Variants in CHSY3 observed in about 807,000 individuals in gnomAD.
The protein encoded by CHSY3 is N-acetylgalactosaminyl-proteoglycan 3-beta-glucuronosyltransferase 3.
In CHSY3, 35 loss-of-function variants were observed where a neutral mutation model predicts 67.2. The observed-to-expected ratio is 0.52, with a 90% CI of 0.40 to 0.69. The LOEUF is 0.69. Among genes scored for constraint, CHSY3 ranks in the 30% least tolerant of loss-of-function variants. CHSY3 has a pLI of 0.00. For synonymous variants in CHSY3, 474 were observed against 434.7 expected, an observed-to-expected ratio of 1.09 and a Z score of -1.12; for missense variants, 1,069 against 1,138.5, an observed-to-expected ratio of 0.94 and a Z score of 0.88.
chr5:130,113,571 G>T (rs1322093549), intron 2 of CHSY3, among the ~76,000 whole-genome samples: 12 of 152,100 alleles, frequency 7.9e-5, no homozygotes, highest in Admixed American at 7.9e-4. Context: ...GTTTTATTCT[G>T]GGACTTGGCA....
chr5:130,142,003 A>T (rs1291468232), intron 2 of CHSY3: 5 of 172,980 alleles, frequency 2.9e-5, no homozygotes, highest in Admixed American at 2.5e-4. Context: ...ACATTGAAGG[A>T]CTCAAATTTG....
rs200582283 is a variant in CHSY3, at chr5:129,908,394, A to G, written c.1086+34A>G. ...GGAGCTGTGATGAAAATGTTCACAT[A>G]GTACATATACATGCCATTTTATAAT... On this transcript the variant is annotated intron_variant, in intron 2 of 2. Transcript: ENST00000305031. The G allele has an allele frequency of 1.7e-4, 268 of 1,608,678 alleles. 1 individual carries two copies. In the African/African-American group the frequency reaches 2.7e-3, roughly 16 times the overall value.
chr5:130,116,905 G>T (rs1767826558), intron 2 of CHSY3, among the ~76,000 whole-genome samples: 1 of 151,724 alleles, frequency 6.6e-6, no homozygotes, highest in Non-Finnish European at 1.5e-5. Flanking sequence ...AATAGAAAGA[G>T]AACTTTTGAT....
intron 2 of CHSY3, among the ~76,000 whole-genome samples, chr5:130,158,367 C>T (rs1365484465): frequency 1.3e-5 from 2 of 152,164 alleles, no homozygotes; most frequent in Non-Finnish European, 2.9e-5. Context: ...CATTGCACTG[C>T]TCTGAATGAA....
At chr5:130,075,225 A>G (rs1335599004) in intron 2 of CHSY3, among the ~76,000 whole-genome samples, 2 of 152,172 alleles carry the variant, frequency 1.3e-5, no homozygotes, top group Non-Finnish European at 2.9e-5. Flanking sequence ...GGAAAAAGTC[A>G]AACACCTTTT....
intron 2 of CHSY3, among the ~76,000 whole-genome samples, chr5:130,079,753 T>C (rs1766386070): frequency 6.6e-6 from 1 of 152,052 alleles, no homozygotes; most frequent in Non-Finnish European, 1.5e-5. Context: ...AGAAACCAGA[T>C]ACTTGTAAGA....
At chr5:130,132,653 T>C (rs984278351) in intron 2 of CHSY3, among the ~76,000 whole-genome samples, 13 of 152,176 alleles carry the variant, frequency 8.5e-5, no homozygotes, top group Admixed American at 5.2e-4. Context: ...TTGATACAGA[T>C]AGCCCAGTGG....
In CHSY3 at chr5:129,999,562, A is replaced by G. The variant is rs538127525; in HGVS notation, c.1086+91202A>G. Among the ~76,000 whole-genome samples the G allele has an allele frequency of 3.3e-5, 5 of 152,188 alleles. No individual in the cohort carries two copies. In the East Asian group the frequency reaches 9.7e-4, roughly 29 times the overall value. On this transcript the variant is annotated intron_variant, in intron 2 of 2. Coordinates refer to ENST00000305031, the MANE Select transcript of CHSY3 (RefSeq NM_175856.5). The stretch of plus-strand genomic sequence containing the variant: ...CTCCAGCAATGTTGAGAGGGTGCTG[A>G]ATTTTATCTTCCAAGTTTCCGCATT...
At chr5:130,064,826 A>T (rs1490606752) in intron 2 of CHSY3, among the ~76,000 whole-genome samples, 1 of 152,210 alleles carries the variant, frequency 6.6e-6, no homozygotes, top group African/African-American at 2.4e-5. Context: ...CGTGCTGCGC[A>T]TGAAATATGA....
chr5:130,011,119 T>C (rs1173920525), intron 2 of CHSY3, among the ~76,000 whole-genome samples: 1 of 152,154 alleles, frequency 6.6e-6, no homozygotes, highest in Non-Finnish European at 1.5e-5. Context: ...TCCTAACTCA[T>C]GCTCTGAAGC....
chr5:130,137,728 C>G (rs1464098678), intron 2 of CHSY3, among the ~76,000 whole-genome samples: 3 of 151,834 alleles, frequency 2.0e-5, no homozygotes, highest in Non-Finnish European at 4.4e-5. Context: ...TTAAATATTC[C>G]CTATGAAAAA....
intron 2 of CHSY3, among the ~76,000 whole-genome samples, chr5:130,062,660 G>A (rs1765753085): frequency 6.6e-6 from 1 of 151,922 alleles, no homozygotes; most frequent in Admixed American, 6.6e-5. Flanking sequence ...TAATTTCAGA[G>A]GAAATTCATG....
At chr5:130,092,997 C>A (rs2149694002) in intron 2 of CHSY3, among the ~76,000 whole-genome samples, 1 of 152,236 alleles carries the variant, frequency 6.6e-6, no homozygotes, top group South Asian at 2.1e-4. Context: ...TGGGAGGCCT[C>A]ATGGTTGGTT....
At position 130,184,411 on chromosome 5, in the gene CHSY3, G is replaced by A. The variant is rs768626694; in HGVS notation, c.1269G>A (p.Gln423=). ...CTGAACTTCGCTACCGCACCATCCAGCTCCACAGGGAAAGTGCCCTGATGA... is the reference window on the plus strand; with the variant it reads ...CTGAACTTCGCTACCGCACCATCCAACTCCACAGGGAAAGTGCCCTGATGA... The part of the protein sequence containing the change: ...KISELRYRTI[Q]LHRESALMSK... The change falls in exon 3 of 3, where the codon CAG becomes CAA. Residue 423 remains glutamine (Q), a synonymous_variant. Coordinates refer to ENST00000305031, the MANE Select transcript of CHSY3 (RefSeq NM_175856.5). The A allele has an allele frequency of 6.2e-7, 1 of 1,613,606 alleles. No individual in the cohort carries two copies. Among genetic ancestry groups the A allele is most frequent in the East Asian group, 2.2e-5 (1 of 44,868 alleles).
intron 2 of CHSY3, among the ~76,000 whole-genome samples, chr5:130,100,978 T>A (rs1220915640): frequency 6.6e-6 from 1 of 152,214 alleles, no homozygotes; most frequent in Admixed American, 6.5e-5. Flanking sequence ...AATAAGTTTC[T>A]CCAGTTGGGT....
At chr5:130,013,157 G>A (rs1764116745) in intron 2 of CHSY3, among the ~76,000 whole-genome samples, 1 of 152,168 alleles carries the variant, frequency 6.6e-6, no homozygotes, top group Non-Finnish European at 1.5e-5. Context: ...CAAGAGGTGG[G>A]CTCCCATGGT....
chr5:129,919,247 A>G (rs1173383134), intron 2 of CHSY3, among the ~76,000 whole-genome samples: 1 of 152,186 alleles, frequency 6.6e-6, no homozygotes, highest in Non-Finnish European at 1.5e-5. Context: ...AATGCTACCA[A>G]CTGTTCAGAG....
chr5:130,000,808 C>T (rs1387844738), intron 2 of CHSY3, among the ~76,000 whole-genome samples: 1 of 118,920 alleles, frequency 8.4e-6, no homozygotes. Context: ...AACTCCTGGG[C>T]TTAAGTCATA....
intron 2 of CHSY3, among the ~76,000 whole-genome samples, chr5:129,939,906 A>C (rs1761644187): frequency 6.6e-6 from 1 of 152,178 alleles, no homozygotes; most frequent in Non-Finnish European, 1.5e-5. Flanking sequence ...CTCATATTGT[A>C]TTGGGAGATA....
Sources: gnomAD v4.1 joint callset for allele counts (sites outside exome capture counted in the v4.1 genomes callset) on GRCh38, gnomAD v4.1.1 for gene constraint, MANE v1.5 for transcripts, NCBI Gene and HGNC (gene_info 2026-07-23, HGNC 2026-07-21) for gene names.